DNAH7: variants seen among roughly 807,000 people sequenced by gnomAD.
DNAH7 encodes the protein dynein axonemal heavy chain 7.
In DNAH7, 397 loss-of-function variants were observed where a neutral mutation model predicts 444.6. The observed-to-expected ratio is 0.89, with a 90% CI of 0.82 to 0.97. DNAH7 has a LOEUF of 0.97. DNAH7 is among the 50% of genes least tolerant of loss of function. The pLI, the probability that DNAH7 is intolerant of heterozygous loss-of-function variation, is 0.00. For synonymous variants in DNAH7, 1,636 were observed against 1,624.4 expected, an observed-to-expected ratio of 1.01 and a Z score of -0.17; for missense variants, 4,902 against 4,800.8, an observed-to-expected ratio of 1.02 and a Z score of -0.62.
rs757875395 is a variant in DNAH7 at position 195,775,836 on chromosome 2, G to T, written c.11202+10C>A. ...GGCCTCAGAATCCAGGTCCTATACA[G>T]ATCACACACCTGTGTAAGAAGAATG... On this transcript the variant is annotated intron_variant, in intron 60 of 64. Coordinates refer to ENST00000312428, the MANE Select transcript of DNAH7 (RefSeq NM_018897.3). The T allele has an allele frequency of 1.2e-6, 2 of 1,613,430 alleles. No homozygotes were observed. The highest frequency in any genetic ancestry group is 2.2e-5 in the South Asian group (2 of 90,958).
chr2:195,835,851 C>T (rs1574524398), intron 47 of DNAH7, among the ~76,000 whole-genome samples: 1 of 151,890 alleles, frequency 6.6e-6, no homozygotes. Context: ...TCAAACAAAA[C>T]AAACAAAAAA....
At chr2:195,842,990 G>A (rs578056537) in intron 47 of DNAH7, among the ~76,000 whole-genome samples, 2 of 152,262 alleles carry the variant, frequency 1.3e-5, no homozygotes, top group South Asian at 4.2e-4. Flanking sequence ...GACATGACCA[G>A]CTACGTTCAC....
chr2:195,745,523 C>T (rs368276311), intron 63 of DNAH7, among the ~76,000 whole-genome samples: 8 of 151,998 alleles, frequency 5.3e-5, no homozygotes, highest in African/African-American at 9.7e-5. Flanking sequence ...AGATACTCCT[C>T]GAGAAGAGCA....
intron 24 of DNAH7, among the ~76,000 whole-genome samples, chr2:195,921,812 C>A (rs1169683912): frequency 1.3e-5 from 2 of 151,940 alleles, no homozygotes; most frequent in Non-Finnish European, 1.5e-5. Context: ...CTCAAATGAT[C>A]CAAGAAAAAG....
chr2:195,979,173 T>A (rs997337368), intron 15 of DNAH7, among the ~76,000 whole-genome samples: 4 of 152,176 alleles, frequency 2.6e-5, no homozygotes, highest in Non-Finnish European at 2.9e-5. Flanking sequence ...AAAATACACA[T>A]CCTTCTCTGC....
At chr2:196,026,691 A>T in intron 7 of DNAH7, 69 bp downstream of exon 7, 1 of 1,099,768 alleles carries the variant, frequency 9.1e-7, no homozygotes, top group Non-Finnish European at 1.3e-6. Flanking sequence ...TATAGGTATT[A>T]TTAATACAAA....
intron 15 of DNAH7, among the ~76,000 whole-genome samples, chr2:195,976,122 T>C (rs1303413056): frequency 2.0e-5 from 3 of 151,822 alleles, no homozygotes; most frequent in African/African-American, 7.3e-5. Flanking sequence ...TGAAGTGGGA[T>C]CTCGGGATCC....
chr2:196,027,037 A>G (rs1695733252), intron 6 of DNAH7, 97 bp from the exon 7 acceptor site: 1 of 881,856 alleles, frequency 1.1e-6, no homozygotes, highest in East Asian at 2.7e-5. Flanking sequence ...TTAGGAGAAC[A>G]AAGTATTTAT....
chr2:195,772,434 C>T (rs1340262423), intron 60 of DNAH7, among the ~76,000 whole-genome samples: 1 of 152,080 alleles, frequency 6.6e-6, no homozygotes, highest in Admixed American at 6.5e-5. Flanking sequence ...GAAAGACAGA[C>T]TTTAGTGATT....
Position 195,774,834 on chromosome 2 carries a change from C to T in DNAH7, c.11202+1012G>A, listed in dbSNP as rs1312509134. 2.6e-5 allele frequency among the ~76,000 whole-genome samples: 4 copies of T among 152,270 alleles called. No individual in the cohort carries two copies. In the East Asian group the frequency reaches 7.7e-4, roughly 29 times the overall value. On this transcript the variant is annotated intron_variant, in intron 60 of 64. Coordinates refer to ENST00000312428, the MANE Select transcript of DNAH7 (RefSeq NM_018897.3). ...TTGCCATTTTTACTCTGAGATGCCA[C>T]AAAAAGATCAGTTACAATTCAGTTA...
chr2:195,782,524 T>C (rs914433742), intron 58 of DNAH7, among the ~76,000 whole-genome samples: 2 of 152,174 alleles, frequency 1.3e-5, no homozygotes, highest in Non-Finnish European at 2.9e-5. Flanking sequence ...ATTTAATACA[T>C]TTAAATATCA....
intron 36 of DNAH7, among the ~76,000 whole-genome samples, chr2:195,880,286 C>T (rs1701296040): frequency 6.6e-6 from 1 of 151,546 alleles, no homozygotes; most frequent in Non-Finnish European, 1.5e-5. Context: ...AGAACAAAGA[C>T]TTAGCTATAA....
intron 41 of DNAH7, among the ~76,000 whole-genome samples, chr2:195,862,515 C>G (rs577287117): frequency 6.6e-5 from 10 of 152,126 alleles, no homozygotes; most frequent in Non-Finnish European, 1.3e-4. Context: ...CAAAGACTTC[C>G]TAGAATTCTT....
In DNAH7 at chr2:195,960,404, T is replaced by C; in HGVS notation, c.2747A>G (p.Glu916Gly). The stretch of plus-strand genomic sequence containing the variant: ...TTCTCTATAAGAATGGATGACAAAT[T>C]CCACTGCATCCCACTCAGTAATCAT... Reference protein sequence around the residue: ...EKMITEWDAVEFVIHSYRETG... With the variant: ...EKMITEWDAVGFVIHSYRETG... Residue 916 changes from glutamate to glycine, a missense_variant, in exon 18 of 65, where the codon GAA (glutamate) becomes GGA (glycine). Physicochemically the swap from Glu to Gly is moderately conservative, Grantham distance 98. Coordinates refer to ENST00000312428, the MANE Select transcript of DNAH7 (RefSeq NM_018897.3). 6.2e-7 allele frequency: 1 copy of C among 1,614,176 alleles called. No homozygotes were observed. The highest frequency in any genetic ancestry group is 8.5e-7 in the Non-Finnish European group (1 of 1,180,018).
At chr2:195,776,088 A>G in intron 59 of DNAH7, 105 bp from the exon 60 acceptor site, 1 of 1,393,256 alleles carries the variant, frequency 7.2e-7, no homozygotes, top group South Asian at 1.4e-5. Flanking sequence ...TTGACTGGAT[A>G]GGCCTGTGAC....
chr2:195,751,330 G>A (rs1693784596), intron 63 of DNAH7, among the ~76,000 whole-genome samples: 1 of 152,174 alleles, frequency 6.6e-6, no homozygotes, highest in Non-Finnish European at 1.5e-5. Flanking sequence ...ACTGGAATAA[G>A]AGGTATCTTT....
At chr2:196,023,361 C>CT (rs1225731405) in intron 8 of DNAH7, among the ~76,000 whole-genome samples, 1 of 152,212 alleles carries the variant, frequency 6.6e-6, no homozygotes, top group African/African-American at 2.4e-5. Context: ...AACTAAACCT[C>CT]TTTTCTTTAT....
At chr2:195,807,155 C>CTT (rs758778847) in intron 53 of DNAH7, among the ~76,000 whole-genome samples, 10 of 146,912 alleles carry the variant, frequency 6.8e-5, no homozygotes, top group African/African-American at 1.5e-4. Flanking sequence ...CACAGGCATT[C>CTT]TTTTTTTTTT....
chr2:195,762,117 T>A (rs1357453973), intron 61 of DNAH7, among the ~76,000 whole-genome samples: 1 of 152,162 alleles, frequency 6.6e-6, no homozygotes, highest in Non-Finnish European at 1.5e-5. Context: ...TGTAGAGTTT[T>A]TATTAGGTTT....
Sources: allele counts gnomAD v4.1 joint callset (sites outside exome capture counted in the v4.1 genomes callset), GRCh38; gene constraint gnomAD v4.1.1; transcripts MANE v1.5; gene names NCBI Gene and HGNC (gene_info 2026-07-23, HGNC 2026-07-21).